Variants in USP6 observed in about 807,000 individuals in gnomAD.
USP6 encodes ubiquitin specific peptidase 6.
USP6 carries 128 observed loss-of-function variants against 175.7 expected under a neutral mutation model. The ratio of observed to expected loss-of-function variants is 0.73; its 90% CI spans 0.63 to 0.84. The LOEUF is 0.84. USP6 is among the 40% of genes least tolerant of loss of function. The probability of loss-of-function intolerance (pLI) is 0.00; values close to 1 mark genes in which losing one functional copy is unlikely to be tolerated. For synonymous variants in USP6, 562 were observed against 630.6 expected (o/e 0.89, Z 1.63); for missense variants, 1,498 against 1,760.3 (o/e 0.85, Z 2.67).
At chr17:5,140,917 T>C (rs767829859) in intron 22 of USP6, among the ~76,000 whole-genome samples, 4 of 152,222 alleles carry the variant, frequency 2.6e-5, no homozygotes, top group African/African-American at 9.6e-5. Context: ...AATCTAGGCC[T>C]CAATATCCAT....
chr17:5,116,957 AGGGCGGTGCCTACATTCTT>A (rs2143679612), intron 1 of USP6, among the ~76,000 whole-genome samples: 1 of 152,346 alleles, frequency 6.6e-6, no homozygotes, highest in South Asian at 2.1e-4. Flanking sequence ...ACAGGGCAAG[AGGGCGGTGCCTACATTCTT>A]GGGGAACTGC....
Position 5,133,440 on chromosome 17 carries a change from C to T in USP6, c.277-3C>T. The T allele has an allele frequency of 4.3e-6, 7 of 1,610,220 alleles. No individual in the cohort carries two copies. Among genetic ancestry groups the T allele is most frequent in the South Asian group, 1.1e-5 (1 of 90,946 alleles). ...GTGACACCAGATTCTTTTCTGCCCA[C>T]AGCTCATAGATCGAGTGTACAAGGG... On this transcript the variant is annotated splice_polypyrimidine_tract_variant and splice_region_variant and intron_variant, in intron 13 of 37. Coordinates refer to ENST00000574788, the MANE Select transcript of USP6 (RefSeq NM_001304284.2).
intron 4 of USP6, among the ~76,000 whole-genome samples, chr17:5,123,676 C>A (rs1451461166): frequency 6.6e-6 from 1 of 152,186 alleles, no homozygotes; most frequent in Non-Finnish European, 1.5e-5. Flanking sequence ...CACGTTCCTG[C>A]AGGTGCCAGC....
In USP6 at chr17:5,155,502, T is replaced by C; in HGVS notation, c.2724T>C (p.Thr908=). 6.2e-7 allele frequency: 1 copy of C among 1,614,138 alleles called. No homozygotes were observed. The highest frequency in any genetic ancestry group is 1.3e-5 in the African/African-American group (1 of 75,036). Residue 908 remains threonine, a synonymous_variant, in exon 31 of 38, where the codon ACT becomes ACC. Transcript: ENST00000574788. The part of the protein sequence containing the change: ...LFGMPLIVPC[T]VHTRKKDLYD... ...GAATGCCATTGATTGTTCCATGCAC[T>C]GTGCATACCCGGAAGAAAGACCTAT... is the stretch of plus-strand genomic sequence containing the variant.
chr17:5,144,566 A>G, intron 25 of USP6, 124 bp from the exon 26 acceptor site: 1 of 1,119,760 alleles, frequency 8.9e-7, no homozygotes, highest in African/African-American at 1.6e-5. Flanking sequence ...ATTTGTTGAA[A>G]TGGAGGCAGA....
intron 31 of USP6, among the ~76,000 whole-genome samples, chr17:5,158,612 G>A (rs75950431): frequency 6.1e-3 from 296 of 48,808 alleles, no homozygotes; most frequent in Non-Finnish European, 7.1e-3. Context: ...AGAGGGAGAG[G>A]GGGAGAGAGA....
intron 22 of USP6, among the ~76,000 whole-genome samples, chr17:5,141,191 A>G (rs2073435073): frequency 6.6e-6 from 1 of 152,324 alleles, no homozygotes; most frequent in Non-Finnish European, 1.5e-5. Context: ...TATACCATAC[A>G]TAGCCTAGGT....
At position 5,172,819 on chromosome 17, in the gene USP6, T is replaced by G. The variant is rs780712857; in HGVS notation, c.4062T>G (p.Asp1354Glu). 2 of 1,613,578 alleles carry G rather than the reference T, an allele frequency of 1.2e-6. No individual in the cohort carries two copies. The change falls in exon 38 of 38, where the codon GAT becomes GAG. Residue 1354 changes from aspartate to glutamate, a missense_variant. This residue lies in a region of USP6 where 1,217 missense variants were observed against 1,500.8 expected (regional missense o/e 0.81). Coordinates refer to ENST00000574788, the MANE Select transcript of USP6 (RefSeq NM_001304284.2). ...TGCCCTTTCAGGAACTTCACCCTGATGAAATTGACACCGACTCTGCCTACA... is the reference window on the plus strand; with the variant it reads ...TGCCCTTTCAGGAACTTCACCCTGAGGAAATTGACACCGACTCTGCCTACA... ...NDSSCEELHP[D>E]EIDTDSAYIL...
chr17:5,147,512 T>G (rs1026237880), intron 29 of USP6, among the ~76,000 whole-genome samples: 45 of 152,168 alleles, frequency 3.0e-4, no homozygotes, highest in Non-Finnish European at 5.9e-4. Flanking sequence ...ACAATAGATA[T>G]AGCTAGAAAG....
chr17:5,122,202 G>A (rs1313476862), intron 4 of USP6, among the ~76,000 whole-genome samples: 1 of 152,048 alleles, frequency 6.6e-6, no homozygotes, highest in Non-Finnish European at 1.5e-5. Flanking sequence ...GCTCAAAACA[G>A]CAGGACTGGA....
chr17:5,120,837 T>A (rs1214370272), intron 3 of USP6, 49 bp downstream of exon 3: 1 of 454,116 alleles, frequency 2.2e-6, no homozygotes, highest in Non-Finnish European at 4.4e-6. Flanking sequence ...GCACATGTGC[T>A]GCATGCTGGT....
intron 25 of USP6, 85 bp downstream of exon 25, chr17:5,142,587 C>G (rs1181518329): frequency 6.8e-7 from 1 of 1,478,130 alleles, no homozygotes; most frequent in Non-Finnish European, 9.0e-7. Flanking sequence ...TGTGTTTAGC[C>G]TTTTAGCTTA....
Position 5,132,943 on chromosome 17 carries a change from T to C in USP6, c.229T>C (p.Trp77Arg). The change falls in exon 13 of 38, where the codon TGG becomes CGG. Residue 77 changes from tryptophan (W) to arginine (R), a missense_variant. Trp to Arg is a moderately radical substitution (Grantham distance 101). Coordinates refer to ENST00000574788, the MANE Select transcript of USP6 (RefSeq NM_001304284.2). The surrounding 1 kb of genome is among the most constrained non-coding windows in gnomAD (Gnocchi z 4.7). ...GCGGGAGATGACACGAACGAGCAAG[T>C]GGATGGAAATGCTGGGAGAATGGGA... is the stretch of plus-strand genomic sequence containing the variant. Reference protein sequence around the residue: ...IRREMTRTSKWMEMLGEWETY... With the variant: ...IRREMTRTSKRMEMLGEWETY... 1.2e-6 allele frequency: 2 copies of C among 1,613,788 alleles called. No homozygotes were observed. The highest frequency in any genetic ancestry group is 1.7e-6 in the Non-Finnish European group (2 of 1,179,914).
intron 27 of USP6, 44 bp from the exon 28 acceptor site, chr17:5,145,979 T>C (rs1015022871): frequency 1.3e-6 from 2 of 1,533,656 alleles, no homozygotes; most frequent in African/African-American, 2.8e-5. Flanking sequence ...AGGCTTTCAA[T>C]GAAACCTGCA....
Position 5,139,214 on chromosome 17 carries a change from G to T in USP6, c.1079-41G>T, listed in dbSNP as rs376527247. 3.6e-5 allele frequency: 57 copies of T among 1,598,644 alleles called. No individual in the cohort carries two copies. The African/African-American group carries it at 6.5e-4, about 18-fold the overall frequency. ...GGGCCCAGCCCGGAAAGGCCTGCAT[G>T]GGCTCACTGGAGATGCTGACCACGT... is the stretch of plus-strand genomic sequence containing the variant. On this transcript the variant is annotated intron_variant, in intron 21 of 37. Coordinates refer to ENST00000574788, the MANE Select transcript of USP6 (RefSeq NM_001304284.2).
In USP6 at chr17:5,161,546, T is replaced by A. The variant is rs1286669226; in HGVS notation, c.2847T>A (p.Tyr949Ter). The A allele has an allele frequency of 6.2e-7, 1 of 1,613,878 alleles. No individual in the cohort carries two copies. The highest frequency in any genetic ancestry group is 8.5e-7 in the Non-Finnish European group (1 of 1,179,872). ...HAQDRDNCMG[Y>*]QYPFTLRVVQ... is the part of the protein sequence containing the mutation. ...GTTTCAGTGATAACTGTATGGGCTATCAATATCCATTCACTCTACGAGTTG... is the reference window on the plus strand; with the variant it reads ...GTTTCAGTGATAACTGTATGGGCTAACAATATCCATTCACTCTACGAGTTG... The change falls in exon 32 of 38, where the codon TAT becomes TAA. Residue 949 changes from tyrosine to a stop codon, truncating the protein, a stop_gained. Transcript: ENST00000574788. LOFTEE classifies it high-confidence loss of function.
At chr17:5,158,900 G>A (rs1200569418) in intron 31 of USP6, among the ~76,000 whole-genome samples, 4 of 152,176 alleles carry the variant, frequency 2.6e-5, no homozygotes, top group Non-Finnish European at 5.9e-5. Context: ...GTTAAGAAAG[G>A]TAGCCAGGCA....
intron 33 of USP6, among the ~76,000 whole-genome samples, chr17:5,165,167 C>G (rs1567811952): frequency 6.6e-6 from 1 of 152,130 alleles, no homozygotes; most frequent in Non-Finnish European, 1.5e-5. Flanking sequence ...GGAAAAAGGA[C>G]AGAAGAAAAT....
At chr17:5,135,966 G>T (rs578076315) in intron 17 of USP6, 38 bp downstream of exon 17, 17 of 1,597,288 alleles carry the variant, frequency 1.1e-5, no homozygotes, top group Non-Finnish European at 1.4e-5. Flanking sequence ...CACGCAGCCA[G>T]ACCCGGGAAA....
Sources: gnomAD v4.1 joint callset for allele counts (sites outside exome capture counted in the v4.1 genomes callset) on GRCh38, gnomAD v4.1.1 for gene constraint, gnomAD v4.1.1 regional missense constraint, Gnocchi (gnomAD v3.1) non-coding constraint, MANE v1.5 for transcripts, NCBI Gene and HGNC (gene_info 2026-07-23, HGNC 2026-07-21) for gene names.